The following SCFD2 variants were observed in gnomAD, a reference collection of about 807,000 sequenced individuals.
The protein encoded by SCFD2 is sec1 family domain containing 2.
In SCFD2, 54 loss-of-function variants were observed where a neutral mutation model predicts 58.9. The observed-to-expected ratio is 0.92, with a 90% CI of 0.74 to 1.15. The LOEUF (loss-of-function observed/expected upper bound fraction) is 1.15. Ranked by LOEUF, SCFD2 falls within the 50% of genes most tolerant of loss-of-function variation. The pLI is 0.00. For synonymous variants in SCFD2, 321 were observed against 335.9 expected (o/e 0.96, Z 0.49); for missense variants, 805 against 836.6 (o/e 0.96, Z 0.47).
chr4:53,331,501 A>T (rs1577975403), intron 2 of SCFD2, among the ~76,000 whole-genome samples: 1 of 152,198 alleles, frequency 6.6e-6, no homozygotes, highest in South Asian at 2.1e-4. Flanking sequence ...TGACTACTGG[A>T]TACATAACGA....
chr4:53,180,640 A>G lies in SCFD2; in HGVS notation c.1312-35058T>C, dbSNP rs553701884. Among the ~76,000 whole-genome samples the G allele has an allele frequency of 1.6e-4, 25 of 152,354 alleles. No homozygotes were observed. In the South Asian group the frequency reaches 5.2e-3, roughly 32 times the overall value. ...TTCAAAAGTTAGAAGAAGGCGAGAAATAACTAAGATCAGAGTAGAACTGAA... is the reference window on the plus strand; with the variant it reads ...TTCAAAAGTTAGAAGAAGGCGAGAAGTAACTAAGATCAGAGTAGAACTGAA... On this transcript the variant is annotated intron_variant, in intron 4 of 8. Transcript: ENST00000401642.
At chr4:53,145,916 G>T (rs1726316691) in intron 4 of SCFD2, among the ~76,000 whole-genome samples, 1 of 152,102 alleles carries the variant, frequency 6.6e-6, no homozygotes, top group Admixed American at 6.5e-5. Context: ...TAGTATATTT[G>T]TAAGATAATA....
At chr4:53,293,196 T>G (rs532155391) in intron 3 of SCFD2, among the ~76,000 whole-genome samples, 1 of 151,950 alleles carries the variant, frequency 6.6e-6, no homozygotes, top group Admixed American at 6.6e-5. Context: ...AGCAATCTAA[T>G]GCAGGAGCGG....
At chr4:53,030,762 T>C (rs1178119282) in intron 5 of SCFD2, among the ~76,000 whole-genome samples, 1 of 152,134 alleles carries the variant, frequency 6.6e-6, no homozygotes, top group Non-Finnish European at 1.5e-5. Context: ...TACTTACCTA[T>C]ATGACCCTGT....
Position 53,212,773 on chromosome 4 carries a change from G to A in SCFD2, c.1311+61053C>T, listed in dbSNP as rs78124217. ...GATCATTTTTTCTCTTGAGGTGATG[G>A]TAGTTTTAAAAAGGAAACCAAATGA... On this transcript the variant is annotated intron_variant, in intron 4 of 8. Coordinates refer to ENST00000401642, the MANE Select transcript of SCFD2 (RefSeq NM_152540.4). Among the ~76,000 whole-genome samples the A allele has an allele frequency of 4.0e-4, 60 of 151,888 alleles. No individual in the cohort carries two copies. In the East Asian group the frequency reaches 9.5e-3, roughly 24 times the overall value.
intron 5 of SCFD2, among the ~76,000 whole-genome samples, chr4:53,004,314 G>C (rs1432897086): frequency 6.6e-6 from 1 of 152,172 alleles, no homozygotes; most frequent in Non-Finnish European, 1.5e-5. Flanking sequence ...CCACACGGAG[G>C]ACATGGTAGG....
intron 5 of SCFD2, among the ~76,000 whole-genome samples, chr4:53,008,641 A>G (rs1330660804): frequency 6.6e-6 from 1 of 152,146 alleles, no homozygotes; most frequent in Non-Finnish European, 1.5e-5. Context: ...GGGAATGGAG[A>G]GGTGCATGTA....
At chr4:53,112,339 T>C (rs1292567057) in intron 5 of SCFD2, among the ~76,000 whole-genome samples, 8 of 152,158 alleles carry the variant, frequency 5.3e-5, no homozygotes, top group South Asian at 2.1e-4. Flanking sequence ...CCTTAATGCA[T>C]AAATTAATTT....
At chr4:53,314,757 T>G (rs1286842279) in intron 2 of SCFD2, among the ~76,000 whole-genome samples, 1 of 152,220 alleles carries the variant, frequency 6.6e-6, no homozygotes, top group Admixed American at 6.5e-5. Context: ...GGATATTGAA[T>G]AATAGAATGA....
In SCFD2 at chr4:53,198,984, C is replaced by T. The variant is rs553167182; in HGVS notation, c.1312-53402G>A. 2.6e-5 allele frequency among the ~76,000 whole-genome samples: 4 copies of T among 152,204 alleles called. No individual in the cohort carries two copies. In the South Asian group the frequency reaches 8.3e-4, roughly 32 times the overall value. On this transcript the variant is annotated intron_variant, in intron 4 of 8. Transcript: ENST00000401642. The stretch of plus-strand genomic sequence containing the variant: ...CACTAATGGAAGAGCACCAGGTATG[C>T]ATTTTCCTGAAACATCTGTTTGAAA...
chr4:53,225,023 T>C (rs1430664178), intron 4 of SCFD2, among the ~76,000 whole-genome samples: 3 of 152,180 alleles, frequency 2.0e-5, no homozygotes, highest in African/African-American at 4.8e-5. Flanking sequence ...ATGCATTCCA[T>C]CAATCTCACT....
chr4:53,116,171 A>T (rs912448716), intron 5 of SCFD2, among the ~76,000 whole-genome samples: 10 of 152,180 alleles, frequency 6.6e-5, no homozygotes, highest in African/African-American at 2.2e-4. Flanking sequence ...TTTGTATATG[A>T]ACATAGAGGA....
intron 1 of SCFD2, among the ~76,000 whole-genome samples, chr4:53,359,621 T>C (rs1318861905): frequency 6.6e-6 from 1 of 152,216 alleles, no homozygotes; most frequent in Non-Finnish European, 1.5e-5. Context: ...ATCTTTTTTT[T>C]GCTTCAGCTG....
intron 3 of SCFD2, among the ~76,000 whole-genome samples, chr4:53,279,365 T>TCCCACCTC (rs1731437187): frequency 6.6e-6 from 1 of 152,132 alleles, no homozygotes; most frequent in Admixed American, 6.6e-5. Context: ...CAAGCAATCC[T>TCCCACCTC]CCCACCTCCC....
At chr4:52,920,042 T>C (rs1719698220) in intron 6 of SCFD2, among the ~76,000 whole-genome samples, 1 of 152,202 alleles carries the variant, frequency 6.6e-6, no homozygotes, top group Non-Finnish European at 1.5e-5. Flanking sequence ...CCAGGAACCT[T>C]AGTTCTGTCT....
rs756381780 is a variant in SCFD2, at chr4:53,365,551, G to A, written c.391C>T (p.Pro131Ser). ...TTCTCCTCCAGCTGCTCGAACACCG[G>A]CTGCTGCCCCTCCATCTCGGCCGCT... ...AAAAEMEGQQ[P>S]VFEQLEEKLC... The change falls in exon 1 of 9, where the codon CCG (proline) becomes TCG (serine). Residue 131 changes from proline to serine, a missense_variant. Physicochemically the swap from Pro to Ser is moderately conservative, Grantham distance 74 (BLOSUM62 -1). Transcript: ENST00000401642. This position sits in a 1 kb window ranked among gnomAD's most constrained non-coding sequence, Gnocchi z 4.3. The A allele has an allele frequency of 6.2e-7, 1 of 1,614,172 alleles. No individual in the cohort carries two copies. The highest frequency in any genetic ancestry group is 8.5e-7 in the Non-Finnish European group (1 of 1,180,020).
intron 5 of SCFD2, among the ~76,000 whole-genome samples, chr4:53,080,245 G>A (rs114539188): frequency 1.1e-3 from 162 of 152,212 alleles, no homozygotes; most frequent in Non-Finnish European, 1.8e-3. Context: ...TCTGTGTTTA[G>A]GGGTAAAATG....
intron 5 of SCFD2, among the ~76,000 whole-genome samples, chr4:53,018,674 G>A (rs907224075): frequency 6.6e-6 from 1 of 152,134 alleles, no homozygotes; most frequent in African/African-American, 2.4e-5. Context: ...CTGGGAAAGA[G>A]ACCCAGCATA....
intron 5 of SCFD2, among the ~76,000 whole-genome samples, chr4:53,096,176 A>G (rs190568214): frequency 2.6e-5 from 4 of 152,382 alleles, no homozygotes; most frequent in East Asian, 1.9e-4. Context: ...CTCAAAAAAC[A>G]TAAGTGTGCA....
Sources: gnomAD v4.1 joint callset for allele counts (sites outside exome capture counted in the v4.1 genomes callset) on GRCh38, gnomAD v4.1.1 for gene constraint, Gnocchi (gnomAD v3.1) non-coding constraint, MANE v1.5 for transcripts, NCBI Gene and HGNC (gene_info 2026-07-23, HGNC 2026-07-21) for gene names.